The following TESK2 variants were observed in gnomAD, a reference collection of about 807,000 sequenced individuals.
TESK2 encodes dual specificity testis-specific protein kinase 2.
A neutral mutation model predicts 57.1 loss-of-function variants in TESK2; 39 were observed. The observed-to-expected ratio is 0.68, with a 90% CI of 0.53 to 0.89. The LOEUF (loss-of-function observed/expected upper bound fraction) is 0.89, where lower values mean the gene tolerates loss of function less well. Among genes scored for constraint, TESK2 ranks in the 40% least tolerant of loss-of-function variants. TESK2 has a pLI of 0.00. For synonymous variants in TESK2, 249 were observed against 267.9 expected, an observed-to-expected ratio of 0.93 and a Z score of 0.69; for missense variants, 646 against 732.1, an observed-to-expected ratio of 0.88 and a Z score of 1.36.
rs1553157262 is a variant in TESK2 at position 45,464,421 on chromosome 1, A to AT, written c.-86-6551dup. On this transcript the variant is annotated intron_variant, in intron 1 of 10. Coordinates refer to ENST00000372086, the MANE Select transcript of TESK2 (RefSeq NM_007170.3). ...CCTTGGCGACAGAGCAAGACACTGGATAAAAAAAAAAAAAAAAAGTCTTAT... is the reference window on the plus strand; with the variant it reads ...CCTTGGCGACAGAGCAAGACACTGGATTAAAAAAAAAAAAAAAAAGTCTTAT... Among the ~76,000 whole-genome samples, 109 of 131,964 alleles carry AT rather than the reference A, an allele frequency of 8.3e-4. 3 individuals are homozygous for AT. In the East Asian group the frequency reaches 0.018, roughly 22 times the overall value. The allele number at this position is 131,964 out of a possible 152,430, so 86.6% of individuals were successfully genotyped here. A position where few individuals can be genotyped will look rare whatever the true frequency, so the allele number is the denominator to read the frequency against.
chr1:45,413,467 A>G (rs1408121911), intron 3 of TESK2, among the ~76,000 whole-genome samples: 2 of 152,232 alleles, frequency 1.3e-5, no homozygotes, highest in African/African-American at 4.8e-5. Flanking sequence ...GAACCAAGGT[A>G]TGCCCAGAGG....
chr1:45,416,841 C>A (rs1181134518), intron 3 of TESK2, among the ~76,000 whole-genome samples: 1 of 151,712 alleles, frequency 6.6e-6, no homozygotes, highest in African/African-American at 2.4e-5. Flanking sequence ...GGCTGGAGCG[C>A]AGTGGTGCGA....
At chr1:45,391,107 G>A (rs1400698269) in intron 3 of TESK2, among the ~76,000 whole-genome samples, 1 of 151,532 alleles carries the variant, frequency 6.6e-6, no homozygotes, top group Non-Finnish European at 1.5e-5. Flanking sequence ...TAGTAGAGAT[G>A]GGGTTTCACT....
intron 3 of TESK2, among the ~76,000 whole-genome samples, chr1:45,402,764 G>A (rs368737025): frequency 5.9e-5 from 9 of 152,124 alleles, no homozygotes; most frequent in East Asian, 3.8e-4. Flanking sequence ...TTACAGGCAT[G>A]AGCCAATGCA....
intron 4 of TESK2, among the ~76,000 whole-genome samples, chr1:45,362,235 T>G (rs1010974501): frequency 1.3e-5 from 2 of 152,218 alleles, no homozygotes; most frequent in Admixed American, 1.3e-4. Flanking sequence ...TATAGCAGCA[T>G]AAATGGACTA....
At chr1:45,447,920 A>T (rs1446455746) in intron 2 of TESK2, among the ~76,000 whole-genome samples, 2 of 152,134 alleles carry the variant, frequency 1.3e-5, no homozygotes, top group Non-Finnish European at 2.9e-5. Flanking sequence ...TACAGGATCT[A>T]TATGAGAAAA....
rs140304763 is a variant in TESK2, at chr1:45,447,807, A to G, written c.222+9757T>C. On this transcript the variant is annotated intron_variant, in intron 2 of 10. Coordinates refer to ENST00000372086, the MANE Select transcript of TESK2 (RefSeq NM_007170.3). ...CACTATGATATTACAACAGGTACAC[A>G]ATGTCACTAGGCCACAGGAATTTTC... Among the ~76,000 whole-genome samples the G allele has an allele frequency of 1.2e-3, 184 of 152,222 alleles. 2 individuals carry two copies. The highest frequency in any genetic ancestry group is 4.2e-3 in the African/African-American group (173 of 41,560).
chr1:45,478,838 C>T lies in TESK2; in HGVS notation c.-87+12014G>A, dbSNP rs145665401. Among the ~76,000 whole-genome samples the T allele has an allele frequency of 4.5e-4, 68 of 152,190 alleles. 1 individual carries two copies. The East Asian group carries it at 0.013, about 29-fold the overall frequency. On this transcript the variant is annotated intron_variant, in intron 1 of 10. Coordinates refer to ENST00000372086, the MANE Select transcript of TESK2 (RefSeq NM_007170.3). ...TCCTGGGTTCAAGCAATTCTCCTGC[C>T]TCAGCCTCCTGAGTAGCTAGGATTA...
At chr1:45,470,073 T>C (rs1490887994) in intron 1 of TESK2, among the ~76,000 whole-genome samples, 1 of 152,204 alleles carries the variant, frequency 6.6e-6, no homozygotes, top group African/African-American at 2.4e-5. Flanking sequence ...GAGAATTCAG[T>C]GGACTTTCAC....
chr1:45,400,912 C>T (rs1336224109), intron 3 of TESK2, among the ~76,000 whole-genome samples: 1 of 151,516 alleles, frequency 6.6e-6, no homozygotes, highest in Non-Finnish European at 1.5e-5. Flanking sequence ...ATCCCAGCTA[C>T]TCAGGAGGCT....
At chr1:45,406,721 G>T (rs1649865095) in intron 3 of TESK2, among the ~76,000 whole-genome samples, 1 of 152,000 alleles carries the variant, frequency 6.6e-6, no homozygotes, top group Non-Finnish European at 1.5e-5. Flanking sequence ...CCACCATGTG[G>T]TCCCAGTCAT....
intron 2 of TESK2, among the ~76,000 whole-genome samples, chr1:45,449,209 G>A (rs1302734272): frequency 1.4e-5 from 2 of 144,834 alleles, no homozygotes; most frequent in African/African-American, 2.6e-5. Flanking sequence ...GTGACAGAGC[G>A]AGACTCTGTC....
chr1:45,381,237 G>A lies in TESK2; in HGVS notation c.393+4675C>T, dbSNP rs1052992655. ...AAAACACAAATACTTATGATCTGCT[G>A]ACTGGGATATTTACAGGGCATGGTT... On this transcript the variant is annotated intron_variant, in intron 4 of 10. Transcript: ENST00000372086. 4.6e-5 allele frequency among the ~76,000 whole-genome samples: 7 copies of A among 152,284 alleles called. No individual in the cohort carries two copies. The South Asian group carries it at 8.3e-4, about 18-fold the overall frequency.
At chr1:45,440,893 G>T (rs1488832611) in intron 2 of TESK2, among the ~76,000 whole-genome samples, 1 of 152,126 alleles carries the variant, frequency 6.6e-6, no homozygotes, top group African/African-American at 2.4e-5. Context: ...CCTTCAGCAA[G>T]AACTTGAGGC....
intron 10 of TESK2, 35 bp downstream of exon 10, chr1:45,345,842 A>T: frequency 6.4e-7 from 1 of 1,555,910 alleles, no homozygotes; most frequent in African/African-American, 1.4e-5. Context: ...TTCCTCCCTT[A>T]GGGTTAGGTT....
At chr1:45,381,928 A>G (rs990418549) in intron 4 of TESK2, among the ~76,000 whole-genome samples, 1 of 147,958 alleles carries the variant, frequency 6.8e-6, no homozygotes, top group African/African-American at 2.5e-5. Context: ...CAGTGGTACA[A>G]TCATGGCTCA....
intron 3 of TESK2, among the ~76,000 whole-genome samples, chr1:45,403,875 T>C (rs1649730129): frequency 8.1e-6 from 1 of 123,978 alleles, no homozygotes; most frequent in Non-Finnish European, 1.6e-5. Context: ...AAAACTGCCA[T>C]GCAAGCGAAA....
At chr1:45,422,924 C>T (rs921096880) in intron 2 of TESK2, among the ~76,000 whole-genome samples, 3 of 151,726 alleles carry the variant, frequency 2.0e-5, no homozygotes, top group East Asian at 1.9e-4. Context: ...CGCCTGCCAC[C>T]GCGCCCAGCT....
chr1:45,380,514 T>C (rs1648611303), intron 4 of TESK2, among the ~76,000 whole-genome samples: 1 of 152,132 alleles, frequency 6.6e-6, no homozygotes, highest in South Asian at 2.1e-4. Flanking sequence ...CTTCCTCTCC[T>C]CTCCATCCCA....
Sources: gnomAD v4.1 joint callset for allele counts (sites outside exome capture counted in the v4.1 genomes callset) on GRCh38, gnomAD v4.1.1 for gene constraint, MANE v1.5 for transcripts, NCBI Gene and HGNC (gene_info 2026-07-23, HGNC 2026-07-21) for gene names.